The following MACROD2 variants were observed in gnomAD, a reference collection of about 807,000 sequenced individuals.
MACROD2 encodes the protein ADP-ribose glycohydrolase MACROD2.
Under a neutral mutation model 70.4 loss-of-function variants are expected in MACROD2, and 36 were observed. The ratio of observed to expected loss-of-function variants is 0.51; its 90% CI spans 0.39 to 0.68. The LOEUF is 0.68. Among genes scored for constraint, MACROD2 ranks in the 30% least tolerant of loss-of-function variants. MACROD2 has a pLI of 0.00. For missense variants in MACROD2, 496 were observed against 538.4 expected (o/e 0.92, Z 0.78); for synonymous variants, 172 against 178.8 (o/e 0.96, Z 0.30).
chr20:14,875,718 T>C (rs958093770), intron 5 of MACROD2, among the ~76,000 whole-genome samples: 15 of 152,144 alleles, frequency 9.9e-5, no homozygotes, highest in African/African-American at 3.4e-4. Context: ...CTCACACTTA[T>C]AAGTTGGAAC....
At chr20:14,332,913 A>C (rs1371532989) in intron 3 of MACROD2, among the ~76,000 whole-genome samples, 1 of 152,164 alleles carries the variant, frequency 6.6e-6, no homozygotes, top group Non-Finnish European at 1.5e-5. Flanking sequence ...TTGCAACAAC[A>C]AACGGTATTT....
chr20:15,750,853 AC>A (rs540938481), intron 8 of MACROD2, among the ~76,000 whole-genome samples: 63 of 152,072 alleles, frequency 4.1e-4, no homozygotes, highest in African/African-American at 1.1e-3. Context: ...CAGAACAAAT[AC>A]CTCATCTGTG....
chr20:14,088,072 T>C (rs1471637024), intron 3 of MACROD2, among the ~76,000 whole-genome samples: 1 of 152,148 alleles, frequency 6.6e-6, no homozygotes. Context: ...GGCTCATGCC[T>C]GTAATCCCAG....
At chr20:15,839,418 A>G (rs1216305686) in intron 8 of MACROD2, among the ~76,000 whole-genome samples, 1 of 152,146 alleles carries the variant, frequency 6.6e-6, no homozygotes, top group Non-Finnish European at 1.5e-5. Context: ...GGCTTACTGA[A>G]AGGTGACGGA....
intron 7 of MACROD2, among the ~76,000 whole-genome samples, chr20:15,483,484 A>AT (rs1281083175): frequency 6.6e-6 from 1 of 152,164 alleles, no homozygotes; most frequent in Non-Finnish European, 1.5e-5. Flanking sequence ...AAGTCAGGTA[A>AT]TATCAGTCCT....
intron 5 of MACROD2, among the ~76,000 whole-genome samples, chr20:14,883,453 G>C (rs753650438): frequency 6.6e-6 from 1 of 152,030 alleles, no homozygotes; most frequent in Non-Finnish European, 1.5e-5. Flanking sequence ...TAAGCATGTC[G>C]GACTAATGTC....
intron 5 of MACROD2, among the ~76,000 whole-genome samples, chr20:14,767,799 C>A (rs1279455896): frequency 1.3e-5 from 2 of 151,904 alleles, no homozygotes. Flanking sequence ...TAGTCCCCCA[C>A]CCCCTGACAG....
intron 5 of MACROD2, among the ~76,000 whole-genome samples, chr20:15,070,143 G>C (rs530762533): frequency 6.6e-6 from 1 of 152,278 alleles, no homozygotes; most frequent in South Asian, 2.1e-4. Context: ...CAAGGATTAT[G>C]CTGGAGCTGT....
At chr20:14,718,292 CAAAAAAAAAAA>C (rs11358439) in intron 5 of MACROD2, among the ~76,000 whole-genome samples, 2 of 54,640 alleles carry the variant, frequency 3.7e-5, no homozygotes, top group South Asian at 1.1e-3. Context: ...GACTCTGTCT[CAAAAAAAAAAA>C]AAAAAAAAAA....
chr20:15,312,495 G>A (rs767976162), intron 6 of MACROD2, among the ~76,000 whole-genome samples: 1 of 152,102 alleles, frequency 6.6e-6, no homozygotes, highest in Non-Finnish European at 1.5e-5. Flanking sequence ...GGCACAGAAT[G>A]GTTTAGTACT....
chr20:15,537,067 C>T (rs925623864), intron 8 of MACROD2, among the ~76,000 whole-genome samples: 9 of 152,094 alleles, frequency 5.9e-5, no homozygotes, highest in African/African-American at 1.9e-4. Flanking sequence ...ATTTTAGCTC[C>T]CATAATTCTC....
At chr20:14,423,420 C>G (rs2083896962) in intron 3 of MACROD2, among the ~76,000 whole-genome samples, 1 of 151,516 alleles carries the variant, frequency 6.6e-6, no homozygotes, top group Non-Finnish European at 1.5e-5. Context: ...CTTGATGCGG[C>G]CTGGAGCGGT....
chr20:15,933,999 C>A (rs2065619481), intron 11 of MACROD2, among the ~76,000 whole-genome samples: 2 of 152,160 alleles, frequency 1.3e-5, no homozygotes, highest in South Asian at 4.1e-4. Context: ...ATTGAAGTCA[C>A]CTGTGATTTA....
chr20:14,344,190 A>G (rs1034112449), intron 3 of MACROD2, among the ~76,000 whole-genome samples: 7 of 152,192 alleles, frequency 4.6e-5, no homozygotes, highest in African/African-American at 1.7e-4. Flanking sequence ...GACTATGGAA[A>G]TTGCCCTTCA....
chr20:15,117,814 A>G (rs569226363), intron 5 of MACROD2, among the ~76,000 whole-genome samples: 12 of 152,254 alleles, frequency 7.9e-5, no homozygotes, highest in African/African-American at 7.2e-5. Flanking sequence ...TAATGCACCT[A>G]TCTTATGGAT....
intron 3 of MACROD2, among the ~76,000 whole-genome samples, chr20:14,198,511 TA>T (rs2081452303): frequency 6.6e-6 from 1 of 152,186 alleles, no homozygotes; most frequent in Non-Finnish European, 1.5e-5. Flanking sequence ...TTTCAGAATC[TA>T]AAACTCTGGT....
intron 4 of MACROD2, among the ~76,000 whole-genome samples, chr20:14,509,366 C>G (rs184589619): frequency 5.7e-4 from 86 of 151,974 alleles, no homozygotes; most frequent in African/African-American, 2.0e-3. Flanking sequence ...ATTTGATTAA[C>G]TAATTGCATA....
intron 5 of MACROD2, among the ~76,000 whole-genome samples, chr20:14,903,495 G>GA (rs1217046897): frequency 6.6e-6 from 1 of 152,002 alleles, no homozygotes; most frequent in Non-Finnish European, 1.5e-5. Context: ...AATTATGCCT[G>GA]AAATTAATTT....
intron 5 of MACROD2, among the ~76,000 whole-genome samples, chr20:15,170,624 C>A (rs2145887441): frequency 6.6e-6 from 1 of 152,232 alleles, no homozygotes; most frequent in African/African-American, 2.4e-5. Flanking sequence ...GCAGCTGCAC[C>A]AATTCATCCT....
Sources: gnomAD v4.1 joint callset for allele counts (sites outside exome capture counted in the v4.1 genomes callset) on GRCh38, gnomAD v4.1.1 for gene constraint, MANE v1.5 for transcripts, NCBI Gene and HGNC (gene_info 2026-07-23, HGNC 2026-07-21) for gene names.